The following LETM1 variants were observed in gnomAD, a reference collection of about 807,000 sequenced individuals.
The protein encoded by LETM1 is mitochondrial proton/calcium exchanger protein.
In LETM1, 50 loss-of-function variants were observed where a neutral mutation model predicts 74.5. That is an observed-to-expected ratio of 0.67 (90% CI 0.53 to 0.85). The LOEUF (loss-of-function observed/expected upper bound fraction) is 0.85, where lower values mean the gene tolerates loss of function less well. LETM1 is among the 40% of genes least tolerant of loss of function. LETM1 has a pLI of 0.00. For synonymous variants in LETM1, 446 were observed against 407.1 expected, an observed-to-expected ratio of 1.10 and a Z score of -1.15; for missense variants, 824 against 967.8, an observed-to-expected ratio of 0.85 and a Z score of 1.97.
chr4:1,828,715 G>A (rs1274051443), intron 6 of LETM1, among the ~76,000 whole-genome samples: 2 of 135,308 alleles, frequency 1.5e-5, no homozygotes, highest in African/African-American at 2.9e-5. Context: ...CGGATGGGGC[G>A]GCTGGCCGGG....
Position 1,822,276 on chromosome 4 carries a change from G to C in LETM1, c.1513C>G (p.Gln505Glu), listed in dbSNP as rs763632512. The C allele has an allele frequency of 1.9e-6, 3 of 1,538,876 alleles. No homozygotes were observed. The highest frequency in any genetic ancestry group is 2.6e-6 in the Non-Finnish European group (3 of 1,135,596). ...GGCTGTGGCTCGGTCCCCGGCCTTT[G>C]GGGAGCAGCTACCACACGTTCGGGC... is the stretch of plus-strand genomic sequence containing the variant. ...FEPERVVAAPQRPGTEPQPEM... is the reference protein window; with the variant it reads ...FEPERVVAAPERPGTEPQPEM... The change falls in exon 10 of 14, where the codon CAA (glutamine) becomes GAA (glutamate). Residue 505 changes from glutamine (Q) to glutamate (E), a missense_variant. Physicochemically the swap from Gln to Glu is conservative, Grantham distance 29. Transcript: ENST00000302787.
At chr4:1,824,397 C>T (rs1260899516) in intron 7 of LETM1, among the ~76,000 whole-genome samples, 1 of 152,220 alleles carries the variant, frequency 6.6e-6, no homozygotes, top group East Asian at 1.9e-4. Context: ...GGTCAGCACT[C>T]GGGCCCTTGC....
intron 10 of LETM1, 86 bp downstream of exon 10, chr4:1,822,095 C>G: frequency 1.5e-6 from 2 of 1,291,756 alleles, no homozygotes; most frequent in Non-Finnish European, 2.0e-6. Flanking sequence ...CCCCAGCTAA[C>G]CTGTCCCCAT....
At chr4:1,846,952 T>C (rs771298101) in intron 2 of LETM1, among the ~76,000 whole-genome samples, 4 of 152,152 alleles carry the variant, frequency 2.6e-5, no homozygotes, top group Non-Finnish European at 4.4e-5. Context: ...GGGACAGCAA[T>C]GATCACTTAG....
chr4:1,847,700 T>C (rs1278787189), intron 2 of LETM1, among the ~76,000 whole-genome samples: 1 of 151,708 alleles, frequency 6.6e-6, no homozygotes, highest in Non-Finnish European at 1.5e-5. Context: ...TGGCGGCGTC[T>C]CTAATCCCAG....
chr4:1,828,012 C>A (rs1168996609), intron 6 of LETM1, among the ~76,000 whole-genome samples: 5 of 143,112 alleles, frequency 3.5e-5, no homozygotes, highest in African/African-American at 8.7e-5. Context: ...AGGCGCCCCC[C>A]AACCCGGACG....
At position 1,815,652 on chromosome 4, in the gene LETM1, A is replaced by C. The variant is rs2108833835; in HGVS notation, c.2070+12T>G. ...GTGGCGGATGGCCTGCGTGGTCCCC[A>C]GCGAGGCCCACCTTGACGAGGTCGT... is the stretch of plus-strand genomic sequence containing the variant. On this transcript the variant is annotated intron_variant, in intron 13 of 13. Coordinates refer to ENST00000302787, the MANE Select transcript of LETM1 (RefSeq NM_012318.3). The C allele has an allele frequency of 6.2e-7, 1 of 1,613,808 alleles. No homozygotes were observed. The highest frequency in any genetic ancestry group is 1.1e-5 in the South Asian group (1 of 91,064).
chr4:1,843,035 A>T, intron 2 of LETM1: 1 of 373,896 alleles, frequency 2.7e-6, no homozygotes, highest in East Asian at 9.5e-5. Context: ...GCATAACTTC[A>T]CATCAGCTCC....
chr4:1,831,276 C>A (rs962059676), intron 6 of LETM1, among the ~76,000 whole-genome samples: 5 of 152,354 alleles, frequency 3.3e-5, no homozygotes, highest in Middle Eastern at 6.8e-3. Context: ...GTGGTGGGAG[C>A]GCTGCCTCGT....
In LETM1 at chr4:1,823,740, T is replaced by G. The variant is rs759749826; in HGVS notation, c.1236A>C (p.Thr412=). The change falls in exon 8 of 14, where the codon ACA becomes ACC. Residue 412 remains threonine (T), a synonymous_variant. Coordinates refer to ENST00000302787, the MANE Select transcript of LETM1 (RefSeq NM_012318.3). ...TGGCCCGGGACAGGATGAGCAGCGA[T>G]GTGGGGATCTCCTGATGCAGGTGCA... ...LDLHLHQEIP[T]SLLILSRAMY... 2.5e-6 allele frequency: 4 copies of G among 1,613,494 alleles called. 1 individual carries two copies. The South Asian group carries it at 4.4e-5, about 18-fold the overall frequency.
intron 6 of LETM1, among the ~76,000 whole-genome samples, chr4:1,829,030 C>T (rs1275708758): frequency 2.0e-5 from 2 of 100,048 alleles, no homozygotes; most frequent in Non-Finnish European, 3.9e-5. Context: ...GGCGGCTGGC[C>T]GGGCGGGAGC....
chr4:1,816,479 G>T (rs1434199144), intron 12 of LETM1, among the ~76,000 whole-genome samples: 1 of 152,148 alleles, frequency 6.6e-6, no homozygotes. Context: ...GTGGAGGTTG[G>T]AGCGGGAGGA....
chr4:1,854,077 C>G (rs551039693), intron 1 of LETM1, among the ~76,000 whole-genome samples: 1 of 152,320 alleles, frequency 6.6e-6, no homozygotes, highest in South Asian at 2.1e-4. Context: ...TCTAACACAG[C>G]AACTGGAAAG....
chr4:1,833,183 T>C (rs1451932790), intron 5 of LETM1: 2 of 524,268 alleles, frequency 3.8e-6, no homozygotes, highest in African/African-American at 1.9e-5. Flanking sequence ...GGGATTCTCC[T>C]GCCTTAGCCT....
rs913610829 is a variant in LETM1 at position 1,849,087 on chromosome 4, C to T, written c.143+62G>A. Reference sequence around the variant, plus strand: ...CAAAAATCAAGAGTCACTCGTGACTCTCCACCATTTTCAAACCCTGTTTTC... The same window carrying T: ...CAAAAATCAAGAGTCACTCGTGACTTTCCACCATTTTCAAACCCTGTTTTC... On this transcript the variant is annotated intron_variant, in intron 2 of 13. Coordinates refer to ENST00000302787, the MANE Select transcript of LETM1 (RefSeq NM_012318.3). The T allele has an allele frequency of 1.3e-5, 15 of 1,144,698 alleles. No individual in the cohort carries two copies. The African/African-American group carries it at 2.3e-4, about 17-fold the overall frequency. 70.9% of individuals were successfully genotyped at this position (1,144,698 alleles called of 1,614,324 possible).
intron 6 of LETM1, among the ~76,000 whole-genome samples, chr4:1,828,277 C>T (rs1472895454): frequency 9.2e-6 from 1 of 108,872 alleles, no homozygotes; most frequent in Non-Finnish European, 1.9e-5. Flanking sequence ...GGGCGGGGGG[C>T]TGACCCCCCC....
chr4:1,842,371 C>T (rs1216055802), intron 2 of LETM1, among the ~76,000 whole-genome samples: 1 of 152,220 alleles, frequency 6.6e-6, no homozygotes, highest in African/African-American at 2.4e-5. Context: ...CCCATCTCCT[C>T]CTCCTCTACC....
At chr4:1,832,081 G>A (rs1195454859) in intron 6 of LETM1, among the ~76,000 whole-genome samples, 1 of 152,120 alleles carries the variant, frequency 6.6e-6, no homozygotes, top group Non-Finnish European at 1.5e-5. Context: ...TGGGCAGATC[G>A]CTTGAGGTCC....
intron 2 of LETM1, 104 bp from the exon 3 acceptor site, chr4:1,841,901 G>A (rs1346009947): frequency 1.2e-6 from 1 of 821,954 alleles, no homozygotes; most frequent in Non-Finnish European, 2.0e-6. Context: ...CCCGTGCCAT[G>A]CCATGTCACA....
Sources: allele counts gnomAD v4.1 joint callset (sites outside exome capture counted in the v4.1 genomes callset), GRCh38; gene constraint gnomAD v4.1.1; transcripts MANE v1.5; gene names NCBI Gene and HGNC (gene_info 2026-07-23, HGNC 2026-07-21).